Variants in TUB observed in about 807,000 individuals in gnomAD.
The protein encoded by TUB is TUB bipartite transcription factor, also known as tubby protein homolog.
A neutral mutation model predicts 59.7 loss-of-function variants in TUB; 33 were observed. The observed-to-expected ratio is 0.55, with a 90% CI of 0.42 to 0.74. The LOEUF (loss-of-function observed/expected upper bound fraction) is 0.74. TUB is among the 30% of genes least tolerant of loss of function. The probability of loss-of-function intolerance (pLI) is 0.00; values close to 1 mark genes in which losing one functional copy is unlikely to be tolerated. For missense variants in TUB, 659 were observed against 672.0 expected, an observed-to-expected ratio of 0.98 and a Z score of 0.21; for synonymous variants, 293 against 256.4, an observed-to-expected ratio of 1.14 and a Z score of -1.36.
chr11:8,081,447 C>CCCGCGCCGG lies in TUB; in HGVS notation c.-61_-53dup, dbSNP rs1245626290. The CCCGCGCCGG allele has an allele frequency of 7.3e-5, 99 of 1,354,532 alleles. No individual in the cohort carries two copies. The highest frequency in any genetic ancestry group is 8.7e-5 in the Non-Finnish European group (92 of 1,054,850). The allele number at this position is 1,354,532 out of a possible 1,614,324, so 83.9% of individuals were successfully genotyped here. On this transcript the variant is annotated 5_prime_UTR_variant, in exon 1 of 12. Transcript: ENST00000299506. ...GGCGGCCCGGGAGCTGAGCAGGGCC[C>CCCGCGCCGG]CCGCGCCGGCCCCTCCGGGCCCCGG...
In TUB at chr11:8,097,202, C is replaced by T. The variant is rs536250857; in HGVS notation, c.688-26C>T. 56 of 1,612,814 alleles carry T rather than the reference C, an allele frequency of 3.5e-5. 1 individual carries two copies. In the South Asian group the frequency reaches 5.2e-4, roughly 15 times the overall value. On this transcript the variant is annotated intron_variant, in intron 6 of 11. Transcript: ENST00000299506. ...TGGGCTGCTTAGGGTCCTTGGGGCT[C>T]AGGCACCTATTCTGCATCCCCATAG...
chr11:8,100,754 G>A, intron 10 of TUB, 72 bp from the exon 11 acceptor site: 2 of 1,593,476 alleles, frequency 1.3e-6, no homozygotes, highest in East Asian at 2.2e-5. Context: ...CCCATTCCCG[G>A]GATAGATCCC....
intron 2 of TUB, among the ~76,000 whole-genome samples, chr11:8,041,524 C>A (rs1260134680): frequency 6.6e-6 from 1 of 152,144 alleles, no homozygotes; most frequent in Non-Finnish European, 1.5e-5. Flanking sequence ...TGAAGAATAT[C>A]ATCTCCATTT....
At chr11:8,064,115 T>TCTCC (rs1172841904) in intron 2 of TUB, among the ~76,000 whole-genome samples, 3 of 152,108 alleles carry the variant, frequency 2.0e-5, no homozygotes, top group African/African-American at 7.2e-5. Flanking sequence ...CAGTTCTCAG[T>TCTCC]CTCCCACCAA....
chr11:8,032,544 C>T (rs77560291), intron 1 of TUB, among the ~76,000 whole-genome samples: 5 of 152,202 alleles, frequency 3.3e-5, no homozygotes, highest in African/African-American at 9.7e-5. Flanking sequence ...ACACTACAAC[C>T]TCAGATCTGG....
chr11:8,073,352 CTTG>C, intron 2 of TUB, among the ~76,000 whole-genome samples: 1 of 152,302 alleles, frequency 6.6e-6, no homozygotes. Context: ...ACTGATTCCT[CTTG>C]TTGGAGAGAT....
exon 1 of TUB, chr11:8,038,888 A>C: frequency 6.2e-7 from 1 of 1,613,914 alleles, no homozygotes; most frequent in Non-Finnish European, 8.5e-7. Context: ...GGGCCAGGAC[A>C]CCTTTGCCTT....
At chr11:8,078,912 C>G (rs566655208), upstream of TUB, among the ~76,000 whole-genome samples, 1 of 152,138 alleles carries the variant, frequency 6.6e-6, no homozygotes, top group Admixed American at 6.5e-5. Context: ...CCCACTGGCT[C>G]CCCCACATGT....
chr11:8,097,650 GCT>G, intron 7 of TUB, 62 bp from the exon 8 acceptor site: 1 of 1,425,764 alleles, frequency 7.0e-7, no homozygotes, highest in South Asian at 1.2e-5. Context: ...TGTGTGAGTG[GCT>G]CTCATGACTG....
chr11:8,061,417 C>A (rs982502237), intron 2 of TUB, among the ~76,000 whole-genome samples: 1 of 152,094 alleles, frequency 6.6e-6, no homozygotes, highest in African/African-American at 2.4e-5. Context: ...GTGGAAACAC[C>A]CTGCGGTGCC....
At chr11:8,047,347 T>A (rs1460310430) in intron 2 of TUB, among the ~76,000 whole-genome samples, 3 of 152,190 alleles carry the variant, frequency 2.0e-5, no homozygotes, top group Admixed American at 6.5e-5. Context: ...TCACAAGTCT[T>A]AGTAAATTTA....
intron 3 of TUB, among the ~76,000 whole-genome samples, chr11:8,091,392 C>T (rs1943772233): frequency 6.6e-6 from 1 of 152,202 alleles, no homozygotes; most frequent in African/African-American, 2.4e-5. Flanking sequence ...GGCTGTACAT[C>T]TGCCAGTGGC....
chr11:8,083,537 C>T, intron 1 of TUB, among the ~76,000 whole-genome samples: 1 of 152,156 alleles, frequency 6.6e-6, no homozygotes, highest in Non-Finnish European at 1.5e-5. Context: ...TAGCAAGTGC[C>T]TAGGGCCCTG....
Position 8,090,227 on chromosome 11 carries a change from C to T in TUB, c.249C>T (p.Tyr83=), listed in dbSNP as rs770943566. The T allele has an allele frequency of 6.2e-7, 1 of 1,613,328 alleles. No individual in the cohort carries two copies. Among genetic ancestry groups the T allele is most frequent in the East Asian group, 2.2e-5 (1 of 44,876 alleles). The part of the protein sequence containing the change: ...SYLSSSGSTS[Y]QVQEADSLAS... ...TCAGCAGCAGTGGCAGCACCAGCTACCAAGGTATACCTTGCCTGCTGCCCC... is the reference window on the plus strand; with the variant it reads ...TCAGCAGCAGTGGCAGCACCAGCTATCAAGGTATACCTTGCCTGCTGCCCC... The change falls in exon 3 of 12, where the codon TAC becomes TAT. Residue 83 remains tyrosine (Y), a synonymous_variant. Coordinates refer to ENST00000299506, the MANE Select transcript of TUB (RefSeq NM_177972.3).
intron 1 of TUB, among the ~76,000 whole-genome samples, chr11:8,023,041 G>C (rs1387290071): frequency 6.6e-6 from 1 of 152,238 alleles, no homozygotes; most frequent in African/African-American, 2.4e-5. Flanking sequence ...GCCAGGCTCA[G>C]CTTTTCTGGG....
At chr11:8,101,181 C>T (rs1191978571) in intron 11 of TUB, among the ~76,000 whole-genome samples, 184 bp downstream of exon 11, 1 of 152,174 alleles carries the variant, frequency 6.6e-6, no homozygotes, top group Admixed American at 6.5e-5. Flanking sequence ...ACCTTCTTTG[C>T]AGCCCTGGTC....
chr11:8,089,212 G>T (rs1943723793), intron 1 of TUB, among the ~76,000 whole-genome samples: 1 of 152,186 alleles, frequency 6.6e-6, no homozygotes, highest in Non-Finnish European at 1.5e-5. Context: ...TGAGATCCCA[G>T]TAGGGAGCTG....
upstream of TUB, among the ~76,000 whole-genome samples, chr11:8,034,828 T>C (rs76141197): frequency 0.041 from 6,279 of 152,232 alleles, 170 homozygotes; most frequent in Non-Finnish European, 0.056. Context: ...GGTGCCACCT[T>C]ATGACTCACT....
chr11:8,039,463 A>G, intron 1 of TUB: 5 of 476,914 alleles, frequency 1.0e-5, no homozygotes, highest in Non-Finnish European at 1.8e-5. Context: ...TCCGGGGCCC[A>G]CAGAGTGAGC....
Sources: allele counts gnomAD v4.1 joint callset (sites outside exome capture counted in the v4.1 genomes callset), GRCh38; gene constraint gnomAD v4.1.1; transcripts MANE v1.5; gene names NCBI Gene and HGNC (gene_info 2026-07-23, HGNC 2026-07-21).